The following ACBD6 variants were observed in gnomAD, a reference collection of about 807,000 sequenced individuals.
ACBD6 encodes the protein acyl-CoA binding domain containing 6.
Under a neutral mutation model 37.2 loss-of-function variants are expected in ACBD6, and 28 were observed. The ratio of observed to expected loss-of-function variants is 0.75; its 90% CI spans 0.56 to 1.03. ACBD6 has a LOEUF of 1.03. ACBD6 is among the 50% of genes least tolerant of loss of function. ACBD6 has a pLI of 0.00. For missense variants in ACBD6, 340 were observed against 337.4 expected (o/e 1.01, Z -0.06); for synonymous variants, 113 against 126.8 (o/e 0.89, Z 0.73).
intron 6 of ACBD6, among the ~76,000 whole-genome samples, chr1:180,317,648 G>A (rs901539558): frequency 6.6e-6 from 1 of 152,160 alleles, no homozygotes; most frequent in African/African-American, 2.4e-5. Flanking sequence ...AAAAGTAGTG[G>A]TGAGACATGG....
At chr1:180,490,225 G>A (rs1651439989) in intron 3 of ACBD6, among the ~76,000 whole-genome samples, 1 of 152,132 alleles carries the variant, frequency 6.6e-6, no homozygotes, top group African/African-American at 2.4e-5. Context: ...CAGCTCAGGG[G>A]GCACCTGTTT....
chr1:180,360,464 T>C (rs1441082781), intron 6 of ACBD6, among the ~76,000 whole-genome samples: 3 of 152,202 alleles, frequency 2.0e-5, no homozygotes, highest in African/African-American at 4.8e-5. Flanking sequence ...ATCAGCAGTA[T>C]CAATTTCACC....
intron 8 of ACBD6, among the ~76,000 whole-genome samples, chr1:180,282,409 G>A (rs1191950750): frequency 1.3e-5 from 2 of 152,140 alleles, no homozygotes; most frequent in African/African-American, 2.4e-5. Context: ...AAAAAAAAGA[G>A]CAAGAGAGAC....
At chr1:180,430,364 T>G (rs1462862406) in intron 3 of ACBD6, 102 bp from the exon 4 acceptor site, 2 of 1,003,444 alleles carry the variant, frequency 2.0e-6, no homozygotes, top group Admixed American at 3.6e-5. Context: ...AGACTAAGGA[T>G]TTTACCCTCA....
intron 7 of ACBD6, among the ~76,000 whole-genome samples, chr1:180,313,039 T>G (rs1650655078): frequency 6.6e-6 from 1 of 152,226 alleles, no homozygotes; most frequent in African/African-American, 2.4e-5. Context: ...TACAGTTTTT[T>G]TACCTAATTT....
At chr1:180,338,298 C>A (rs933072112) in intron 6 of ACBD6, among the ~76,000 whole-genome samples, 2 of 152,136 alleles carry the variant, frequency 1.3e-5, no homozygotes, top group Admixed American at 6.5e-5. Context: ...AAACAGTAAC[C>A]AAAACAGCAT....
At chr1:180,417,203 TAG>T (rs1648134965) in intron 4 of ACBD6, among the ~76,000 whole-genome samples, 1 of 152,208 alleles carries the variant, frequency 6.6e-6, no homozygotes, top group Non-Finnish European at 1.5e-5. Context: ...CTTCATCTTC[TAG>T]ATAAATGTAT....
chr1:180,322,658 G>A (rs530561681), intron 6 of ACBD6, among the ~76,000 whole-genome samples: 2 of 150,900 alleles, frequency 1.3e-5, no homozygotes, highest in African/African-American at 4.8e-5. Flanking sequence ...GTTGCTCACA[G>A]TAGTCACTTA....
intron 3 of ACBD6, among the ~76,000 whole-genome samples, chr1:180,473,121 G>A (rs1206384908): frequency 1.3e-5 from 2 of 152,146 alleles, no homozygotes; most frequent in Non-Finnish European, 2.9e-5. Flanking sequence ...ATAAATATTA[G>A]ATATTTTAAA....
intron 3 of ACBD6, among the ~76,000 whole-genome samples, chr1:180,481,735 T>C (rs895904639): frequency 2.6e-5 from 4 of 152,144 alleles, no homozygotes; most frequent in Non-Finnish European, 4.4e-5. Context: ...AACCAGAAGG[T>C]TGGAAATACA....
chr1:180,344,544 A>G (rs1189325852), intron 6 of ACBD6, among the ~76,000 whole-genome samples: 2 of 152,240 alleles, frequency 1.3e-5, no homozygotes, highest in Non-Finnish European at 2.9e-5. Flanking sequence ...ACTTATCTAG[A>G]ATGTTTAACC....
intron 3 of ACBD6, among the ~76,000 whole-genome samples, chr1:180,431,854 G>A (rs765914222): frequency 2.6e-5 from 4 of 152,038 alleles, no homozygotes; most frequent in Non-Finnish European, 5.9e-5. Context: ...GTAACATGGC[G>A]GAAAATCTAG....
At chr1:180,500,740 C>T (rs1481787862) in intron 1 of ACBD6, among the ~76,000 whole-genome samples, 5 of 149,894 alleles carry the variant, frequency 3.3e-5, no homozygotes, top group Non-Finnish European at 4.4e-5. Flanking sequence ...TGGCTCATGC[C>T]TGTAATCCCA....
chr1:180,351,736 G>A (rs138205972), intron 6 of ACBD6, among the ~76,000 whole-genome samples: 2 of 152,166 alleles, frequency 1.3e-5, no homozygotes, highest in South Asian at 2.1e-4. Context: ...GTAAAATGGT[G>A]CACCTGCTGT....
At chr1:180,297,625 C>T (rs1156344047) in intron 7 of ACBD6, among the ~76,000 whole-genome samples, 3 of 152,122 alleles carry the variant, frequency 2.0e-5, no homozygotes, top group Non-Finnish European at 4.4e-5. Context: ...TTGAGGGATG[C>T]CACAGACAGG....
chr1:180,376,449 A>T (rs192150614), intron 6 of ACBD6, among the ~76,000 whole-genome samples: 1 of 152,344 alleles, frequency 6.6e-6, no homozygotes, highest in East Asian at 1.9e-4. Flanking sequence ...AGAATAGGAG[A>T]GTGTTTCAAT....
chr1:180,500,118 A>G (rs1468436239), intron 1 of ACBD6, among the ~76,000 whole-genome samples: 8 of 149,870 alleles, frequency 5.3e-5, no homozygotes, highest in African/African-American at 2.0e-4. Flanking sequence ...TGTCTCTAAA[A>G]AAACTTTTTT....
At chr1:180,477,705 A>T (rs944102254) in intron 3 of ACBD6, among the ~76,000 whole-genome samples, 4 of 152,236 alleles carry the variant, frequency 2.6e-5, no homozygotes, top group African/African-American at 9.6e-5. Flanking sequence ...ATGTTTTATT[A>T]AAATCAGGAA....
At chr1:180,472,246 A>G (rs1230307807) in intron 3 of ACBD6, among the ~76,000 whole-genome samples, 1 of 152,196 alleles carries the variant, frequency 6.6e-6, no homozygotes, top group Non-Finnish European at 1.5e-5. Flanking sequence ...CCATTACTTC[A>G]CTATTCAAGA....
Sources: gnomAD v4.1 joint callset for allele counts (sites outside exome capture counted in the v4.1 genomes callset) on GRCh38, gnomAD v4.1.1 for gene constraint, MANE v1.5 for transcripts, NCBI Gene and HGNC (gene_info 2026-07-23, HGNC 2026-07-21) for gene names.